LARS2: variants seen among roughly 807,000 people sequenced by gnomAD.
LARS2 encodes leucyl-tRNA synthetase 2, mitochondrial.
Under a neutral mutation model 116.6 loss-of-function variants are expected in LARS2, and 81 were observed. That is an observed-to-expected ratio of 0.69 (90% CI 0.58 to 0.84). The LOEUF (loss-of-function observed/expected upper bound fraction) is 0.84. Ranked by LOEUF, LARS2 falls within the 40% of genes least tolerant of loss-of-function variation. The pLI, the probability that LARS2 is intolerant of heterozygous loss-of-function variation, is 0.00. For missense variants in LARS2, 968 were observed against 1,114.5 expected (o/e 0.87, Z 1.87); for synonymous variants, 396 against 407.2 (o/e 0.97, Z 0.33).
intron 21 of LARS2, among the ~76,000 whole-genome samples, chr3:45,544,767 C>T (rs139874128): frequency 6.6e-6 from 1 of 152,274 alleles, no homozygotes; most frequent in Non-Finnish European, 1.5e-5. Context: ...GTTGGAGAAT[C>T]AGAAAATACG....
intron 13 of LARS2, among the ~76,000 whole-genome samples, chr3:45,494,540 C>T (rs1699976391): frequency 6.6e-6 from 1 of 152,190 alleles, no homozygotes; most frequent in East Asian, 1.9e-4. Context: ...GAAGGGAGAG[C>T]CTGCTATGGC....
At chr3:45,535,768 C>CACACACACA (rs1559500395) in intron 20 of LARS2, among the ~76,000 whole-genome samples, 6 of 33,772 alleles carry the variant, frequency 1.8e-4, no homozygotes, top group South Asian at 2.1e-3. Flanking sequence ...ACACACACAC[C>CACACACACA]CCCACACCCA....
chr3:45,430,229 C>T (rs1267655290), intron 6 of LARS2, among the ~76,000 whole-genome samples: 1 of 148,022 alleles, frequency 6.8e-6, no homozygotes, highest in Admixed American at 6.8e-5. Context: ...GCCTTGGCCT[C>T]CCAAAGTTCT....
chr3:45,405,109 A>G (rs1294677641), intron 4 of LARS2, among the ~76,000 whole-genome samples: 1 of 149,714 alleles, frequency 6.7e-6, no homozygotes, highest in East Asian at 1.9e-4. Context: ...TTAGCATGTC[A>G]AGTTTTTTTT....
Position 45,523,579 on chromosome 3 carries a change from T to G in LARS2, c.2293-418T>G, listed in dbSNP as rs1274387576. ...GGTCTCACTGTTGCCCAAGCTTCAGTGCAGTGGTGCAGTCATAGCTCACTG... is the reference window on the plus strand; with the variant it reads ...GGTCTCACTGTTGCCCAAGCTTCAGGGCAGTGGTGCAGTCATAGCTCACTG... On this transcript the variant is annotated intron_variant, in intron 19 of 21. Coordinates refer to ENST00000645846, the MANE Select transcript of LARS2 (RefSeq NM_015340.4). Among the ~76,000 whole-genome samples, 7 of 151,850 alleles carry G rather than the reference T, an allele frequency of 4.6e-5. No homozygotes were observed. The East Asian group carries it at 1.4e-3, about 29-fold the overall frequency.
At chr3:45,448,416 T>C (rs1474522550) in intron 7 of LARS2, among the ~76,000 whole-genome samples, 1 of 152,122 alleles carries the variant, frequency 6.6e-6, no homozygotes, top group Non-Finnish European at 1.5e-5. Flanking sequence ...TCTGTCTTAG[T>C]TGGTTTGTAC....
intron 15 of LARS2, among the ~76,000 whole-genome samples, chr3:45,512,698 T>G (rs1700308067): frequency 6.6e-6 from 1 of 152,248 alleles, no homozygotes; most frequent in Non-Finnish European, 1.5e-5. Flanking sequence ...TACACATTTA[T>G]GTATACAAAG....
chr3:45,438,321 T>C (rs1698839680), intron 6 of LARS2, among the ~76,000 whole-genome samples: 1 of 152,178 alleles, frequency 6.6e-6, no homozygotes, highest in Non-Finnish European at 1.5e-5. Context: ...GCACTTCCCA[T>C]GGTGCCATGT....
intron 4 of LARS2, among the ~76,000 whole-genome samples, chr3:45,402,505 G>T (rs1380840801): frequency 6.6e-6 from 1 of 151,998 alleles, no homozygotes; most frequent in Non-Finnish European, 1.5e-5. Context: ...AACCTGTCAG[G>T]GCCTATACAA....
At chr3:45,546,530 A>G (rs1700878084) in intron 21 of LARS2, among the ~76,000 whole-genome samples, 1 of 152,236 alleles carries the variant, frequency 6.6e-6, no homozygotes, top group African/African-American at 2.4e-5. Flanking sequence ...GGGACATTTG[A>G]TAATGTGCTT....
chr3:45,415,894 GAGA>G (rs1559461412), intron 4 of LARS2, among the ~76,000 whole-genome samples: 36 of 56,460 alleles, frequency 6.4e-4, no homozygotes, highest in Admixed American at 2.1e-3. Context: ...GAGAGAGAGG[GAGA>G]GAGAGAGAGA....
intron 6 of LARS2, among the ~76,000 whole-genome samples, chr3:45,444,496 C>G (rs1327084567): frequency 2.1e-5 from 3 of 141,970 alleles, no homozygotes; most frequent in Non-Finnish European, 3.1e-5. Flanking sequence ...ACCCCCATCT[C>G]TACTAAAAAT....
intron 6 of LARS2, among the ~76,000 whole-genome samples, chr3:45,441,181 C>T (rs764616080): frequency 5.3e-5 from 8 of 152,096 alleles, no homozygotes; most frequent in Non-Finnish European, 1.0e-4. Context: ...TATGCCACCA[C>T]GCCTGGCTAC....
chr3:45,462,407 C>A lies in LARS2; in HGVS notation c.750+3521C>A, dbSNP rs115150168. Among the ~76,000 whole-genome samples, 321 of 86,578 alleles carry A rather than the reference C, an allele frequency of 3.7e-3. 2 individuals carry two copies. Among genetic ancestry groups the A allele is most frequent in the African/African-American group, 9.2e-3 (283 of 30,790 alleles). 56.8% of individuals were successfully genotyped at this position (86,578 alleles called of 152,430 possible). A position where few individuals can be genotyped will look rare whatever the true frequency, so the allele number is the denominator to read the frequency against. ...AGACCAGCTTAGGCAATATCGAGAC[C>A]CCAATTTCTACCAAAAAAAAAAAAA... On this transcript the variant is annotated intron_variant, in intron 8 of 21. Coordinates refer to ENST00000645846, the MANE Select transcript of LARS2 (RefSeq NM_015340.4).
chr3:45,438,056 A>C (rs1698835417), intron 6 of LARS2, among the ~76,000 whole-genome samples: 1 of 152,168 alleles, frequency 6.6e-6, no homozygotes, highest in African/African-American at 2.4e-5. Flanking sequence ...TCAAGCCCAC[A>C]TTTGGTAATA....
intron 21 of LARS2, among the ~76,000 whole-genome samples, chr3:45,542,385 CTCCA>C (rs1700812293): frequency 6.6e-6 from 1 of 152,140 alleles, no homozygotes; most frequent in Admixed American, 6.5e-5. Flanking sequence ...TTCAGAAAGG[CTCCA>C]TAATTTTTAC....
chr3:45,487,363 C>T (rs1408159157), intron 11 of LARS2, among the ~76,000 whole-genome samples: 1 of 152,204 alleles, frequency 6.6e-6, no homozygotes, highest in Non-Finnish European at 1.5e-5. Flanking sequence ...TAGAACACTA[C>T]AAAACTTTCC....
intron 8 of LARS2, among the ~76,000 whole-genome samples, chr3:45,463,288 G>A (rs1479232047): frequency 6.6e-6 from 1 of 152,240 alleles, no homozygotes; most frequent in Non-Finnish European, 1.5e-5. Context: ...CTGCATTGCA[G>A]GCTTTCAGCC....
intron 15 of LARS2, among the ~76,000 whole-genome samples, chr3:45,502,670 C>T (rs545989363): frequency 1.6e-4 from 24 of 152,214 alleles, no homozygotes; most frequent in African/African-American, 5.5e-4. Context: ...CTCGGCCTCC[C>T]GAAGTGCTGG....
Sources: allele counts gnomAD v4.1 joint callset (sites outside exome capture counted in the v4.1 genomes callset), GRCh38; gene constraint gnomAD v4.1.1; transcripts MANE v1.5; gene names NCBI Gene and HGNC (gene_info 2026-07-23, HGNC 2026-07-21).